CDK6: variants seen among roughly 807,000 people sequenced by gnomAD.
CDK6 encodes the protein cyclin dependent kinase 6.
In CDK6, 6 loss-of-function variants were observed where a neutral mutation model predicts 37.1. The ratio of observed to expected loss-of-function variants is 0.16; its 90% CI spans 0.09 to 0.32. CDK6 has a LOEUF of 0.32. Ranked by LOEUF, CDK6 falls within the 10% of genes least tolerant of loss-of-function variation. CDK6 has a pLI of 1.00. For missense variants in CDK6, 224 were observed against 418.9 expected, an observed-to-expected ratio of 0.53 and a Z score of 4.06; for synonymous variants, 160 against 161.3, an observed-to-expected ratio of 0.99 and a Z score of 0.06.
At chr7:92,763,800 T>C (rs1186461186) in intron 3 of CDK6, among the ~76,000 whole-genome samples, 2 of 152,236 alleles carry the variant, frequency 1.3e-5, no homozygotes, top group Non-Finnish European at 2.9e-5. Flanking sequence ...TTGTGTCATA[T>C]GACATACTGC....
intron 2 of CDK6, among the ~76,000 whole-genome samples, chr7:92,815,513 T>C (rs1376647640): frequency 6.6e-6 from 1 of 152,152 alleles, no homozygotes; most frequent in East Asian, 1.9e-4. Context: ...CTTTCAGATA[T>C]TGGACTATAG....
rs1017714942 is a variant in CDK6 at position 92,685,643 on chromosome 7, A to G, written c.538-14108T>C. ...CTAAACTCCTGCACTAGGCCCCAAC[A>G]GACTGGACTAAAAGTTAAAATGGAG... On this transcript the variant is annotated intron_variant, in intron 4 of 7. Coordinates refer to ENST00000424848, the MANE Select transcript of CDK6 (RefSeq NM_001145306.2). Among the ~76,000 whole-genome samples the G allele has an allele frequency of 5.9e-5, 9 of 152,206 alleles. No homozygotes were observed. The South Asian group carries it at 1.9e-3, about 32-fold the overall frequency.
At chr7:92,765,402 C>T (rs1799555151) in intron 3 of CDK6, among the ~76,000 whole-genome samples, 1 of 151,962 alleles carries the variant, frequency 6.6e-6, no homozygotes, top group South Asian at 2.1e-4. Flanking sequence ...TAGACTATTT[C>T]TAAACCAAGC....
At chr7:92,811,174 G>C (rs1800873824) in intron 2 of CDK6, among the ~76,000 whole-genome samples, 2 of 152,106 alleles carry the variant, frequency 1.3e-5, no homozygotes, top group African/African-American at 4.8e-5. Context: ...AATTTCCACA[G>C]GTCTCCAGCA....
chr7:92,833,519 C>G lies in CDK6; in HGVS notation c.-196G>C, dbSNP rs993579971. 8 of 562,930 alleles carry G rather than the reference C, an allele frequency of 1.4e-5. No homozygotes were observed. Among genetic ancestry groups the G allele is most frequent in the Non-Finnish European group, 2.2e-5 (7 of 324,014 alleles). 34.9% of individuals were successfully genotyped at this position (562,930 alleles called of 1,614,324 possible). A position where few individuals can be genotyped will look rare whatever the true frequency, so the allele number is the denominator to read the frequency against. ...TGGATGGAGAGACCTCCCCGCGGGG[C>G]TGGCGTAACCCTGGTGCCGCCGCCG... On this transcript the variant is annotated 5_prime_UTR_variant, in exon 2 of 8. Coordinates refer to ENST00000424848, the MANE Select transcript of CDK6 (RefSeq NM_001145306.2). This position sits in a 1 kb window ranked among gnomAD's most constrained non-coding sequence, Gnocchi z 6.1.
intron 3 of CDK6, among the ~76,000 whole-genome samples, chr7:92,751,529 T>A (rs1799187401): frequency 6.6e-6 from 1 of 152,146 alleles, no homozygotes; most frequent in Non-Finnish European, 1.5e-5. Flanking sequence ...CAGGTAACAA[T>A]TAACAGAGAT....
chr7:92,835,658 G>T lies in CDK6; in HGVS notation c.-368+820C>A, dbSNP rs1439883799. ...TCACACTCAATGAAATCCTTCATGC[G>T]CCTCTCCCGAAGCCTGCCAAGCACC... is the stretch of plus-strand genomic sequence containing the variant. On this transcript the variant is annotated intron_variant, in intron 1 of 7. Transcript: ENST00000424848. This position sits in a 1 kb window ranked among gnomAD's most constrained non-coding sequence, Gnocchi z 4.2. 2.0e-5 allele frequency among the ~76,000 whole-genome samples: 3 copies of T among 152,028 alleles called. No homozygotes were observed. The highest frequency in any genetic ancestry group is 2.9e-5 in the Non-Finnish European group (2 of 68,010).
Position 92,717,749 on chromosome 7 carries a change from C to A in CDK6, c.537+7877G>T, listed in dbSNP as rs144241205. ...TTAGGTGAGTCAAATGAATGACTAT[C>A]TTTTATAAACAAGGGAATCAGTCAT... On this transcript the variant is annotated intron_variant, in intron 4 of 7. Transcript: ENST00000424848. Among the ~76,000 whole-genome samples, 7 of 152,320 alleles carry A rather than the reference C, an allele frequency of 4.6e-5. No individual in the cohort carries two copies. The East Asian group carries it at 1.4e-3, about 29-fold the overall frequency.
chr7:92,810,563 C>G (rs143318315), intron 2 of CDK6, among the ~76,000 whole-genome samples: 1 of 152,038 alleles, frequency 6.6e-6, no homozygotes, highest in Admixed American at 6.5e-5. Flanking sequence ...ACTGTCATGA[C>G]GAAAAGAAGT....
chr7:92,761,827 CT>C (rs1201638181), intron 3 of CDK6, among the ~76,000 whole-genome samples: 1 of 152,218 alleles, frequency 6.6e-6, no homozygotes. Context: ...AATCTCCCCA[CT>C]TGGGAGGATA....
intron 3 of CDK6, among the ~76,000 whole-genome samples, chr7:92,755,612 T>C (rs1799297870): frequency 6.6e-6 from 1 of 152,064 alleles, no homozygotes; most frequent in Non-Finnish European, 1.5e-5. Context: ...ACCAAGGAGG[T>C]GGCATTTGCT....
chr7:92,707,801 A>G (rs1798000656), intron 4 of CDK6, among the ~76,000 whole-genome samples: 1 of 152,166 alleles, frequency 6.6e-6, no homozygotes, highest in Non-Finnish European at 1.5e-5. Context: ...GTCTTCCCAG[A>G]CTCTTCCAAC....
At chr7:92,799,947 C>T (rs981780887) in intron 2 of CDK6, among the ~76,000 whole-genome samples, 2 of 152,144 alleles carry the variant, frequency 1.3e-5, no homozygotes, top group African/African-American at 4.8e-5. Flanking sequence ...TCCAAACCTG[C>T]TCCTTCTGCT....
At position 92,718,136 on chromosome 7, in the gene CDK6, C is replaced by T. The variant is rs142260266; in HGVS notation, c.537+7490G>A. The stretch of plus-strand genomic sequence containing the variant: ...CTTCCCTCACTGGTGAAAGTGAAAA[C>T]GAAACCGGCACAAACCCTCCATTGT... On this transcript the variant is annotated intron_variant, in intron 4 of 7. Coordinates refer to ENST00000424848, the MANE Select transcript of CDK6 (RefSeq NM_001145306.2). Among the ~76,000 whole-genome samples the T allele has an allele frequency of 1.6e-3, 236 of 152,224 alleles. 1 individual carries two copies. The highest frequency in any genetic ancestry group is 8.1e-3 in the Admixed American group (124 of 15,286).
intron 4 of CDK6, among the ~76,000 whole-genome samples, chr7:92,672,162 C>T (rs13241962): frequency 0.029 from 1,025 of 34,852 alleles, 1 homozygote; most frequent in East Asian, 0.042. Context: ...TATATATATA[C>T]ACATACACAC....
In CDK6 at chr7:92,744,809, G is replaced by C. The variant is rs532068347; in HGVS notation, c.370-19016C>G. On this transcript the variant is annotated intron_variant, in intron 3 of 7. Transcript: ENST00000424848. Reference sequence around the variant, plus strand: ...CTCCCTGGACAGTTCTCAATTTCTTGAAACACGAAGAGTGGAAAGTTTGTA... The same window carrying C: ...CTCCCTGGACAGTTCTCAATTTCTTCAAACACGAAGAGTGGAAAGTTTGTA... Among the ~76,000 whole-genome samples, 238 of 152,128 alleles carry C rather than the reference G, an allele frequency of 1.6e-3. No individual in the cohort carries two copies. The Middle Eastern group carries it at 0.017, about 11-fold the overall frequency.
intron 4 of CDK6, among the ~76,000 whole-genome samples, chr7:92,679,287 T>C (rs1038054887): frequency 2.6e-5 from 4 of 152,204 alleles, no homozygotes; most frequent in Non-Finnish European, 5.9e-5. Context: ...CTATAAGGTG[T>C]CCTCTGTTAA....
rs777082580 is a variant in CDK6 at position 92,687,275 on chromosome 7, T to C, written c.538-15740A>G. Among the ~76,000 whole-genome samples, 24 of 152,214 alleles carry C rather than the reference T, an allele frequency of 1.6e-4. 1 individual carries two copies. The highest frequency in any genetic ancestry group is 2.9e-5 in the Non-Finnish European group (2 of 68,036). On this transcript the variant is annotated intron_variant, in intron 4 of 7. Coordinates refer to ENST00000424848, the MANE Select transcript of CDK6 (RefSeq NM_001145306.2). Reference sequence around the variant, plus strand: ...TCTGCTTCCATCTCTGTTACCCCCATAAAATTGAATGCTACAGTGGCAGGG... The same window carrying C: ...TCTGCTTCCATCTCTGTTACCCCCACAAAATTGAATGCTACAGTGGCAGGG...
chr7:92,639,653 T>C (rs1375307304), intron 5 of CDK6, among the ~76,000 whole-genome samples: 2 of 152,214 alleles, frequency 1.3e-5, no homozygotes, highest in African/African-American at 4.8e-5. Context: ...TCTGTAAATT[T>C]TTTTGTTGTT....
Sources: allele counts gnomAD v4.1 joint callset (sites outside exome capture counted in the v4.1 genomes callset), GRCh38; gene constraint gnomAD v4.1.1; non-coding constraint Gnocchi (gnomAD v3.1); transcripts MANE v1.5; gene names NCBI Gene and HGNC (gene_info 2026-07-23, HGNC 2026-07-21).